The following PCDHA3 variants were observed in gnomAD, a reference collection of about 807,000 sequenced individuals.
PCDHA3 encodes protocadherin alpha-3.
Under a neutral mutation model 62.2 loss-of-function variants are expected in PCDHA3, and 41 were observed. The observed-to-expected ratio is 0.66, with a 90% CI of 0.51 to 0.86. The LOEUF (loss-of-function observed/expected upper bound fraction) is 0.86, where lower values mean the gene tolerates loss of function less well. Among genes scored for constraint, PCDHA3 ranks in the 40% least tolerant of loss-of-function variants. The pLI is 0.00. For synonymous variants in PCDHA3, 640 were observed against 555.4 expected (o/e 1.15, Z -2.14); for missense variants, 1,304 against 1,241.2 (o/e 1.05, Z -0.76).
intron 1 of PCDHA3, chr5:140,807,680 A>G (rs575783501): frequency 6.2e-7 from 1 of 1,614,200 alleles, no homozygotes; most frequent in Admixed American, 1.7e-5. Flanking sequence ...TATCGGGGAG[A>G]ACGCCCTGCT....
intron 1 of PCDHA3, among the ~76,000 whole-genome samples, chr5:140,976,851 T>C (rs1402328541): frequency 6.6e-6 from 1 of 152,206 alleles, no homozygotes; most frequent in African/African-American, 2.4e-5. Context: ...ATCCCTTTCA[T>C]AGAGTTTACT....
chr5:140,988,535 A>T (rs1426235004), intron 3 of PCDHA3, among the ~76,000 whole-genome samples: 2 of 152,164 alleles, frequency 1.3e-5, no homozygotes, highest in Non-Finnish European at 2.9e-5. Flanking sequence ...GGCTCCATCC[A>T]TTCATGACTT....
In PCDHA3 at chr5:140,972,718, C is replaced by T. The variant is rs921637217; in HGVS notation, c.2395-6231C>T. Among the ~76,000 whole-genome samples the T allele has an allele frequency of 9.2e-5, 13 of 142,004 alleles. No individual in the cohort carries two copies. In the East Asian group the frequency reaches 2.5e-3, roughly 27 times the overall value. The allele number at this position is 142,004 out of a possible 152,430, so 93.2% of individuals were successfully genotyped here. A position where few individuals can be genotyped will look rare whatever the true frequency, so the allele number is the denominator to read the frequency against. Reference sequence around the variant, plus strand: ...CTCACTCTGTTGCCAGGCTGGAGTGCAGTGGCGTAATCCCGGCTCACTGCA... The same window carrying T: ...CTCACTCTGTTGCCAGGCTGGAGTGTAGTGGCGTAATCCCGGCTCACTGCA... On this transcript the variant is annotated intron_variant, in intron 1 of 3. Coordinates refer to ENST00000522353, the MANE Select transcript of PCDHA3 (RefSeq NM_018906.3).
At chr5:140,805,107 T>A in intron 1 of PCDHA3, 2 of 1,590,884 alleles carry the variant, frequency 1.3e-6, no homozygotes, top group Non-Finnish European at 8.5e-7. Context: ...GAAACTATTG[T>A]CTAACAAGAC....
chr5:140,967,858 G>C lies in PCDHA3; in HGVS notation c.2395-11091G>C, dbSNP rs2096190865. ...TGGACGTGAATGACAATGCCCCAGA[G>C]GTGGTGCTCACGGACCTGTATAGCC... On this transcript the variant is annotated intron_variant, in intron 1 of 3. Coordinates refer to ENST00000522353, the MANE Select transcript of PCDHA3 (RefSeq NM_018906.3). 6 of 1,614,166 alleles carry C rather than the reference G, an allele frequency of 3.7e-6. No homozygotes were observed. The East Asian group carries it at 1.3e-4, about 36-fold the overall frequency.
chr5:140,900,312 T>C (rs902600593), intron 1 of PCDHA3, among the ~76,000 whole-genome samples: 1 of 151,284 alleles, frequency 6.6e-6, no homozygotes, highest in African/African-American at 2.4e-5. Flanking sequence ...AGTCTCACTT[T>C]TGTCGCCCAG....
intron 1 of PCDHA3, among the ~76,000 whole-genome samples, chr5:140,919,543 T>C (rs2079190617): frequency 6.6e-6 from 1 of 152,200 alleles, no homozygotes; most frequent in Non-Finnish European, 1.5e-5. Context: ...ATACTTTTCA[T>C]TTACTGATTT....
At chr5:140,955,240 G>A (rs2095156409) in intron 1 of PCDHA3, among the ~76,000 whole-genome samples, 1 of 152,102 alleles carries the variant, frequency 6.6e-6, no homozygotes, top group African/African-American at 2.4e-5. Flanking sequence ...TTTTGCTTAG[G>A]ATCGGCTTGG....
At chr5:140,808,336 G>A (rs1436485012) in intron 1 of PCDHA3, 1 of 1,614,136 alleles carries the variant, frequency 6.2e-7, no homozygotes, top group African/African-American at 1.3e-5. Flanking sequence ...GTGTCAATGG[G>A]CTGGTCACCT....
intron 1 of PCDHA3, among the ~76,000 whole-genome samples, chr5:140,820,724 C>G (rs926082554): frequency 6.6e-6 from 1 of 151,900 alleles, no homozygotes; most frequent in Admixed American, 6.6e-5. Context: ...TTACTGGAAC[C>G]TAAACATTTT....
At position 141,010,632 on chromosome 5, in the gene PCDHA3, A is replaced by G. The variant is rs782191972; in HGVS notation, c.*695A>G. The G allele has an allele frequency of 1.6e-5, 3 of 185,902 alleles. No individual in the cohort carries two copies. Among genetic ancestry groups the G allele is most frequent in the Non-Finnish European group, 3.4e-5 (3 of 88,214 alleles). The allele number at this position is 185,902 out of a possible 1,614,324, so 11.5% of individuals were successfully genotyped here. On this transcript the variant is annotated 3_prime_UTR_variant, in exon 4 of 4. Coordinates refer to ENST00000522353, the MANE Select transcript of PCDHA3 (RefSeq NM_018906.3). ...ACCTAAAATCTGCATCATACCTGCAAGCCAACAGTTCAGTGTTTTAACAGA... is the reference window on the plus strand; with the variant it reads ...ACCTAAAATCTGCATCATACCTGCAGGCCAACAGTTCAGTGTTTTAACAGA...
intron 3 of PCDHA3, among the ~76,000 whole-genome samples, chr5:140,992,344 T>G (rs2097506257): frequency 6.6e-6 from 1 of 152,124 alleles, no homozygotes; most frequent in Non-Finnish European, 1.5e-5. Context: ...GATGGAAATG[T>G]GGAGAGAGGA....
chr5:140,976,414 G>A (rs1242756697), intron 1 of PCDHA3, among the ~76,000 whole-genome samples: 2 of 151,998 alleles, frequency 1.3e-5, no homozygotes, highest in African/African-American at 2.4e-5. Context: ...AGCCAGGTAC[G>A]GTGGCAGATG....
In PCDHA3 at chr5:140,869,069, A is replaced by G. The variant is rs781835431; in HGVS notation, c.2394+65478A>G. 4 of 1,572,072 alleles carry G rather than the reference A, an allele frequency of 2.5e-6. No individual in the cohort carries two copies. The East Asian group carries it at 9.0e-5, about 35-fold the overall frequency. ...CTGAAGAATCTGGTACTGTAAGTGT[A>G]AAGAAGCTTATTTTGGAAGCCAATT... On this transcript the variant is annotated intron_variant, in intron 1 of 3. Coordinates refer to ENST00000522353, the MANE Select transcript of PCDHA3 (RefSeq NM_018906.3).
At chr5:140,969,436 A>G (rs1289383219) in intron 1 of PCDHA3, 2 of 1,549,954 alleles carry the variant, frequency 1.3e-6, no homozygotes, top group Non-Finnish European at 1.7e-6. Flanking sequence ...GACAAGAGTT[A>G]TCTGGTAAAC....
intron 1 of PCDHA3, chr5:140,843,169 C>A: frequency 6.3e-7 from 1 of 1,596,092 alleles, no homozygotes; most frequent in South Asian, 1.1e-5. Context: ...CAGCTGCAAG[C>A]AGCCCTCGCA....
At chr5:141,005,093 G>A (rs1441843884) in intron 3 of PCDHA3, among the ~76,000 whole-genome samples, 1 of 152,172 alleles carries the variant, frequency 6.6e-6, no homozygotes, top group East Asian at 1.9e-4. Flanking sequence ...TACTTTACAT[G>A]CATTACATCA....
At chr5:140,930,785 A>G (rs1485024316) in intron 1 of PCDHA3, among the ~76,000 whole-genome samples, 1 of 152,248 alleles carries the variant, frequency 6.6e-6, no homozygotes, top group Admixed American at 6.5e-5. Context: ...TTTTCACAAT[A>G]TAATAGAATC....
At chr5:140,873,592 T>G (rs936003894) in intron 1 of PCDHA3, among the ~76,000 whole-genome samples, 1 of 152,234 alleles carries the variant, frequency 6.6e-6, no homozygotes, top group African/African-American at 2.4e-5. Flanking sequence ...TAAGCTAAAC[T>G]TAGATGTTCC....
Sources: allele counts gnomAD v4.1 joint callset (sites outside exome capture counted in the v4.1 genomes callset), GRCh38; gene constraint gnomAD v4.1.1; transcripts MANE v1.5; gene names NCBI Gene and HGNC (gene_info 2026-07-23, HGNC 2026-07-21).